ROBO2: variants seen among roughly 807,000 people sequenced by gnomAD.
ROBO2 encodes the protein roundabout homolog 2.
In ROBO2, 53 loss-of-function variants were observed where a neutral mutation model predicts 160.8. That is an observed-to-expected ratio of 0.33 (90% CI 0.26 to 0.41). ROBO2 has a LOEUF of 0.41. ROBO2 is among the 10% of genes least tolerant of loss of function. The pLI is 1.00. For synonymous variants in ROBO2, 664 were observed against 611.7 expected (o/e 1.09, Z -1.26); for missense variants, 1,577 against 1,722.4 (o/e 0.92, Z 1.49).
intron 2 of ROBO2, among the ~76,000 whole-genome samples, chr3:76,521,045 C>CTTTTTTTTTTT (rs58517740): frequency 3.0e-5 from 3 of 100,122 alleles, no homozygotes; most frequent in Admixed American, 1.2e-4. Context: ...AAAATTGCTT[C>CTTTTTTTTTTT]TTTTTTTTTT....
intron 16 of ROBO2, among the ~76,000 whole-genome samples, chr3:77,582,844 A>G (rs984502171): frequency 1.3e-5 from 2 of 152,100 alleles, no homozygotes; most frequent in African/African-American, 4.8e-5. Context: ...ATTCTGCTCC[A>G]TAAATTCAGT....
intron 2 of ROBO2, among the ~76,000 whole-genome samples, chr3:76,957,861 T>A (rs893902445): frequency 2.0e-5 from 3 of 151,530 alleles, no homozygotes; most frequent in African/African-American, 7.3e-5. Context: ...AAAATTTAAC[T>A]CTAGATGAAT....
intron 2 of ROBO2, among the ~76,000 whole-genome samples, chr3:76,256,436 A>G (rs866141658): frequency 1.2e-4 from 18 of 150,922 alleles, no homozygotes; most frequent in Admixed American, 6.6e-4. Flanking sequence ...GCCAGGTGCA[A>G]TGGCTCACAC....
chr3:76,644,383 T>G (rs1394908782), intron 2 of ROBO2, among the ~76,000 whole-genome samples: 2 of 152,340 alleles, frequency 1.3e-5, no homozygotes, highest in Non-Finnish European at 2.9e-5. Flanking sequence ...GATTTGCATT[T>G]GACCAGTCTC....
intron 2 of ROBO2, among the ~76,000 whole-genome samples, chr3:76,948,712 AT>A (rs746075602): frequency 2.4e-4 from 32 of 135,648 alleles, no homozygotes; most frequent in East Asian, 6.4e-4. Context: ...TTATAATTTA[AT>A]TTTTTTTTTT....
At chr3:77,042,274 C>T in intron 1 of ROBO2, among the ~76,000 whole-genome samples, 1 of 152,130 alleles carries the variant, frequency 6.6e-6, no homozygotes, top group Non-Finnish European at 1.5e-5. Context: ...ATTTTTCATG[C>T]ATTTATTTTT....
At chr3:77,093,906 T>C (rs2070689272) in intron 1 of ROBO2, among the ~76,000 whole-genome samples, 1 of 152,156 alleles carries the variant, frequency 6.6e-6, no homozygotes, top group African/African-American at 2.4e-5. Context: ...TTGTTAGGAG[T>C]GAGCACAAAT....
intron 2 of ROBO2, among the ~76,000 whole-genome samples, chr3:76,046,965 T>A (rs1167173492): frequency 6.6e-6 from 1 of 152,148 alleles, no homozygotes; most frequent in East Asian, 1.9e-4. Flanking sequence ...CCATCTTGCT[T>A]CCCTATTTTT....
At chr3:76,317,916 A>G (rs550438126) in intron 2 of ROBO2, among the ~76,000 whole-genome samples, 8 of 152,152 alleles carry the variant, frequency 5.3e-5, no homozygotes, top group Admixed American at 4.6e-4. Flanking sequence ...TGTCTTAGCT[A>G]TAGAAAATAT....
intron 21 of ROBO2, among the ~76,000 whole-genome samples, chr3:77,616,119 T>C (rs138440696): frequency 6.6e-6 from 1 of 152,242 alleles, no homozygotes; most frequent in African/African-American, 2.4e-5. Context: ...ACAATATAAG[T>C]ATTATGGAAT....
chr3:77,043,773 A>G (rs189635805), intron 1 of ROBO2, among the ~76,000 whole-genome samples: 93 of 152,292 alleles, frequency 6.1e-4, no homozygotes, highest in African/African-American at 2.1e-3. Flanking sequence ...TATTACATCA[A>G]TCTGATAATT....
intron 2 of ROBO2, among the ~76,000 whole-genome samples, chr3:77,396,190 A>C (rs1005173650): frequency 6.6e-6 from 1 of 152,028 alleles, no homozygotes; most frequent in African/African-American, 2.4e-5. Context: ...ATTTGTTTCT[A>C]TATACAAGAT....
chr3:76,452,723 A>G (rs1214713170), intron 2 of ROBO2, among the ~76,000 whole-genome samples: 2 of 152,202 alleles, frequency 1.3e-5, no homozygotes, highest in Non-Finnish European at 2.9e-5. Flanking sequence ...TGGTATTTCT[A>G]GTTCTAGATC....
chr3:77,461,158 G>A (rs1172835641), intron 2 of ROBO2, among the ~76,000 whole-genome samples: 1 of 151,750 alleles, frequency 6.6e-6, no homozygotes, highest in Admixed American at 6.6e-5. Context: ...TTAATTATTG[G>A]GCTGCTTAAT....
At chr3:76,519,998 C>T (rs548006346) in intron 2 of ROBO2, among the ~76,000 whole-genome samples, 1 of 152,108 alleles carries the variant, frequency 6.6e-6, no homozygotes, top group African/African-American at 2.4e-5. Context: ...CATAGGGACC[C>T]CTTATTATCT....
intron 2 of ROBO2, among the ~76,000 whole-genome samples, chr3:76,268,351 A>T (rs1200693705): frequency 6.6e-6 from 1 of 152,190 alleles, no homozygotes; most frequent in Non-Finnish European, 1.5e-5. Flanking sequence ...AAAGTATATT[A>T]GTTAACCTGG....
chr3:77,015,904 A>G (rs2062209993), intron 2 of ROBO2, among the ~76,000 whole-genome samples: 2 of 152,310 alleles, frequency 1.3e-5, no homozygotes, highest in Middle Eastern at 3.4e-3. Flanking sequence ...CTTGATCTAA[A>G]TATGGTATTA....
chr3:76,599,711 G>T lies in ROBO2; in HGVS notation c.110-498303G>T, dbSNP rs573303969. 2.1e-3 allele frequency among the ~76,000 whole-genome samples: 318 copies of T among 152,242 alleles called. 2 individuals carry two copies. Among genetic ancestry groups the T allele is most frequent in the African/African-American group, 7.5e-3 (312 of 41,562 alleles). On this transcript the variant is annotated intron_variant, in intron 2 of 26. Coordinates refer to the ROBO2 transcript ENST00000487694. ...TCGCTTCACAACCTCTCCAGCACCTGTTAGTTTTTTACTTTTCAGTAACAG... is the reference window on the plus strand; with the variant it reads ...TCGCTTCACAACCTCTCCAGCACCTTTTAGTTTTTTACTTTTCAGTAACAG...
intron 2 of ROBO2, among the ~76,000 whole-genome samples, chr3:76,414,155 T>C (rs67007674): frequency 0.07 from 9,078 of 128,980 alleles, 354 homozygotes; most frequent in Admixed American, 0.096. Context: ...TACCTCCCCC[T>C]GGTCCCTCTC....
Sources: gnomAD v4.1 joint callset for allele counts (sites outside exome capture counted in the v4.1 genomes callset) on GRCh38, gnomAD v4.1.1 for gene constraint, MANE v1.5 for transcripts, NCBI Gene and HGNC (gene_info 2026-07-23, HGNC 2026-07-21) for gene names.